RPS6KC1: variants seen among roughly 807,000 people sequenced by gnomAD.
The protein encoded by RPS6KC1 is ribosomal protein S6 kinase C1.
RPS6KC1 carries 54 observed loss-of-function variants against 103.8 expected under a neutral mutation model. The observed-to-expected ratio is 0.52, with a 90% CI of 0.42 to 0.65. The LOEUF is 0.65. RPS6KC1 is among the 30% of genes least tolerant of loss of function. RPS6KC1 has a pLI of 0.00. For synonymous variants in RPS6KC1, 439 were observed against 438.7 expected (o/e 1.00, Z -0.01); for missense variants, 1,151 against 1,253.8 (o/e 0.92, Z 1.24).
rs764023565 is a variant in RPS6KC1 at position 213,262,748 on chromosome 1, A to G, written c.3022A>G (p.Ile1008Val). Reference protein sequence around the residue: ...KTLVECHPAGINTHTTLNMPE... With the variant: ...KTLVECHPAGVNTHTTLNMPE... ...TCTGGTTGAATGCCATCCAGCAGGAATAAATACTCACACTACTTTGAACAT... is the reference window on the plus strand; with the variant it reads ...TCTGGTTGAATGCCATCCAGCAGGAGTAAATACTCACACTACTTTGAACAT... The change falls in exon 14 of 15, where the codon ATA becomes GTA. Residue 1008 changes from isoleucine to valine, a missense_variant. Physicochemically the swap from Ile to Val is conservative, Grantham distance 29. This residue lies in a region of RPS6KC1 where 189 missense variants were observed against 228.8 expected (regional missense o/e 0.83). Transcript: ENST00000366960. 6.2e-7 allele frequency: 1 copy of G among 1,612,324 alleles called. No homozygotes were observed. The highest frequency in any genetic ancestry group is 1.1e-5 in the South Asian group (1 of 91,036).
At chr1:213,656,585 G>A in the RPS6KC1 span, among the ~76,000 whole-genome samples, 1 of 152,122 alleles carries the variant, frequency 6.6e-6, no homozygotes, top group African/African-American at 2.4e-5. Context: ...CTGAAGACAA[G>A]GGAAAGGACG....
the RPS6KC1 span, among the ~76,000 whole-genome samples, chr1:213,854,562 T>TTCTTTCTTTCTCTC: frequency 1.2e-4 from 15 of 122,614 alleles, no homozygotes; most frequent in African/African-American, 5.2e-4. Flanking sequence ...CTTTCTTTCT[T>TTCTTTCTTTCTCTC]TCTCTCTCTC....
chr1:213,721,114 G>C, the RPS6KC1 span, among the ~76,000 whole-genome samples: 41 of 152,312 alleles, frequency 2.7e-4, 1 homozygote, highest in South Asian at 8.5e-3. Context: ...CCCTATCTCA[G>C]CTTCTGCCTG....
intron 4 of RPS6KC1, among the ~76,000 whole-genome samples, chr1:213,114,885 G>C (rs929236144): frequency 2.6e-5 from 4 of 152,170 alleles, no homozygotes; most frequent in Non-Finnish European, 5.9e-5. Flanking sequence ...AACCAGCCTT[G>C]CATCTCAGGG....
chr1:213,416,307 T>C, the RPS6KC1 span, among the ~76,000 whole-genome samples: 2 of 152,232 alleles, frequency 1.3e-5, no homozygotes, highest in Non-Finnish European at 2.9e-5. Context: ...GGCTTCATGG[T>C]GACTGAGTCA....
At chr1:213,438,576 C>T in the RPS6KC1 span, among the ~76,000 whole-genome samples, 1 of 152,120 alleles carries the variant, frequency 6.6e-6, no homozygotes, top group African/African-American at 2.4e-5. Flanking sequence ...GGCTGCTCCT[C>T]CTTAGTGGGC....
the RPS6KC1 span, among the ~76,000 whole-genome samples, chr1:213,463,134 T>G: frequency 3.2e-4 from 48 of 152,362 alleles, no homozygotes; most frequent in African/African-American, 1.0e-3. Context: ...TTGTTATACA[T>G]TCAAACAACA....
the RPS6KC1 span, among the ~76,000 whole-genome samples, chr1:213,854,573 T>C: frequency 1.3e-5 from 2 of 150,436 alleles, no homozygotes; most frequent in African/African-American, 5.0e-5. Context: ...TCTCTCTCTC[T>C]CTCTCTTTCT....
the RPS6KC1 span, among the ~76,000 whole-genome samples, chr1:213,363,610 CTT>C: frequency 2.0e-3 from 151 of 75,550 alleles, 9 homozygotes; most frequent in South Asian, 4.6e-3. Flanking sequence ...CGCTCGCTTG[CTT>C]GCTTGCTTGC....
the RPS6KC1 span, among the ~76,000 whole-genome samples, chr1:213,406,022 G>A: frequency 6.6e-6 from 1 of 152,232 alleles, no homozygotes; most frequent in African/African-American, 2.4e-5. Context: ...AGACCACAGG[G>A]TGAGTCCCGA....
At chr1:213,844,073 A>T in the RPS6KC1 span, among the ~76,000 whole-genome samples, 1 of 152,208 alleles carries the variant, frequency 6.6e-6, no homozygotes, top group South Asian at 2.1e-4. Flanking sequence ...ATTCATGTTA[A>T]TTAGTAGCTC....
the RPS6KC1 span, among the ~76,000 whole-genome samples, chr1:213,282,346 G>A: frequency 6.6e-6 from 1 of 152,206 alleles, no homozygotes; most frequent in East Asian, 1.9e-4. Context: ...ACGGCTCCTT[G>A]TGTAACCTTA....
At chr1:213,392,421 A>G in the RPS6KC1 span, among the ~76,000 whole-genome samples, 1 of 152,184 alleles carries the variant, frequency 6.6e-6, no homozygotes, top group South Asian at 2.1e-4. Flanking sequence ...GGCAGGTGGG[A>G]GGAGGAGGGT....
At chr1:213,454,150 G>T in the RPS6KC1 span, among the ~76,000 whole-genome samples, 3 of 151,522 alleles carry the variant, frequency 2.0e-5, no homozygotes, top group South Asian at 2.1e-4. Flanking sequence ...GACCACATGG[G>T]GGGGGTCAGC....
At chr1:213,197,075 G>C (rs922654444) in intron 8 of RPS6KC1, among the ~76,000 whole-genome samples, 1 of 152,070 alleles carries the variant, frequency 6.6e-6, no homozygotes, top group Non-Finnish European at 1.5e-5. Flanking sequence ...GACCTCAGGC[G>C]ATCCACCCGC....
chr1:213,791,412 T>G, the RPS6KC1 span, among the ~76,000 whole-genome samples: 1 of 152,158 alleles, frequency 6.6e-6, no homozygotes, highest in African/African-American at 2.4e-5. Flanking sequence ...TTTCAATGAT[T>G]TACAGTAAAT....
the RPS6KC1 span, among the ~76,000 whole-genome samples, chr1:213,425,640 G>A: frequency 1.4e-4 from 22 of 152,144 alleles, no homozygotes; most frequent in Non-Finnish European, 2.6e-4. Context: ...AGCTAATAAC[G>A]TTCTCAAGAG....
chr1:213,435,348 T>C, the RPS6KC1 span, among the ~76,000 whole-genome samples: 1 of 152,254 alleles, frequency 6.6e-6, no homozygotes, highest in African/African-American at 2.4e-5. Flanking sequence ...CTGCTTTGAA[T>C]AATTTTTATT....
At chr1:213,856,125 G>C in the RPS6KC1 span, among the ~76,000 whole-genome samples, 1 of 152,106 alleles carries the variant, frequency 6.6e-6, no homozygotes, top group Non-Finnish European at 1.5e-5. Context: ...TCACTCACAG[G>C]GTAAACACTG....
Sources: allele counts gnomAD v4.1 joint callset (sites outside exome capture counted in the v4.1 genomes callset), GRCh38; gene constraint gnomAD v4.1.1; regional missense constraint gnomAD v4.1.1; transcripts MANE v1.5; gene names NCBI Gene and HGNC (gene_info 2026-07-23, HGNC 2026-07-21).